The following MTHFD1 variants were observed in gnomAD, a reference collection of about 807,000 sequenced individuals.
MTHFD1 encodes C-1-tetrahydrofolate synthase, cytoplasmic.
In MTHFD1, 44 loss-of-function variants were observed where a neutral mutation model predicts 110.3. That is an observed-to-expected ratio of 0.40 (90% CI 0.31 to 0.51). MTHFD1 has a LOEUF of 0.51. Ranked by LOEUF, MTHFD1 falls within the 20% of genes least tolerant of loss-of-function variation. The probability of loss-of-function intolerance (pLI) is 0.60; values close to 1 mark genes in which losing one functional copy is unlikely to be tolerated. For missense variants in MTHFD1, 909 were observed against 1,173.1 expected (o/e 0.77, Z 3.29); for synonymous variants, 402 against 428.8 (o/e 0.94, Z 0.77).
At chr14:64,425,889 C>T (rs911452600) in intron 10 of MTHFD1, 62 bp downstream of exon 10, 1 of 1,578,556 alleles carries the variant, frequency 6.3e-7, no homozygotes, top group African/African-American at 1.3e-5. Context: ...TTGACAGATA[C>T]TGTGGGTTCA....
At chr14:64,445,411 A>G (rs184527960) in intron 22 of MTHFD1, among the ~76,000 whole-genome samples, 25 of 152,272 alleles carry the variant, frequency 1.6e-4, no homozygotes, top group Admixed American at 4.6e-4. Context: ...TGTGAGCTCA[A>G]ATCTTTTCAT....
In MTHFD1 at chr14:64,417,511, C is replaced by T. The variant is rs568797115; in HGVS notation, c.479-377C>T. Among the ~76,000 whole-genome samples the T allele has an allele frequency of 6.6e-6, 1 of 152,228 alleles. No homozygotes were observed. The highest frequency in any genetic ancestry group is 1.5e-5 in the Non-Finnish European group (1 of 68,052). On this transcript the variant is annotated intron_variant, in intron 6 of 27. Coordinates refer to ENST00000652337, the MANE Select transcript of MTHFD1 (RefSeq NM_005956.4). This position sits in a 1 kb window ranked among gnomAD's most constrained non-coding sequence, Gnocchi z 4.4. ...ACACATCTCTCCAGCCTGTTACATA[C>T]ACCCTATTTGTTTTAACTTTTTTTC...
intron 1 of MTHFD1, among the ~76,000 whole-genome samples, chr14:64,398,610 C>G (rs1212744066): frequency 6.6e-6 from 1 of 152,164 alleles, no homozygotes; most frequent in Non-Finnish European, 1.5e-5. Flanking sequence ...GGTATGACTT[C>G]TTTCTTGTAC....
intron 18 of MTHFD1, 109 bp from the exon 19 acceptor site, chr14:64,441,276 A>T (rs11629354): frequency 1.0e-6 from 1 of 995,298 alleles, no homozygotes; most frequent in Middle Eastern, 2.0e-4. Context: ...GAAAGTATCA[A>T]TTGGTCCAAG....
chr14:64,434,551 A>G (rs368116716), intron 15 of MTHFD1, among the ~76,000 whole-genome samples: 1 of 152,212 alleles, frequency 6.6e-6, no homozygotes, highest in South Asian at 2.1e-4. Context: ...ATGAGACCTC[A>G]TCTCAAAAAA....
intron 1 of MTHFD1, among the ~76,000 whole-genome samples, chr14:64,397,374 C>T (rs1030000043): frequency 1.2e-4 from 18 of 150,476 alleles, no homozygotes; most frequent in African/African-American, 4.4e-4. Flanking sequence ...CTCACTGCAA[C>T]CTCTGCCTCC....
intron 1 of MTHFD1, among the ~76,000 whole-genome samples, chr14:64,398,834 A>G (rs1427274391): frequency 2.0e-5 from 3 of 152,232 alleles, no homozygotes; most frequent in Non-Finnish European, 4.4e-5. Flanking sequence ...TGTATCATAT[A>G]TCATAACTGG....
chr14:64,417,284 G>A lies in MTHFD1; in HGVS notation c.479-604G>A, dbSNP rs2078031979. Among the ~76,000 whole-genome samples the A allele has an allele frequency of 6.6e-6, 1 of 152,190 alleles. No homozygotes were observed. The highest frequency in any genetic ancestry group is 1.5e-5 in the Non-Finnish European group (1 of 68,042). On this transcript the variant is annotated intron_variant, in intron 6 of 27. Transcript: ENST00000652337. This position sits in a 1 kb window ranked among gnomAD's most constrained non-coding sequence, Gnocchi z 4.4. ...GTAGAGTATGAGTCAGCCCTGAAAA[G>A]GACATTGGTATATTGCCAGAAAAAT...
Position 64,440,167 on chromosome 14 carries a change from C to G in MTHFD1, c.1716C>G (p.Val572=). The change falls in exon 18 of 28, where the codon GTC becomes GTG. Residue 572 remains valine, a synonymous_variant. Transcript: ENST00000652337. ...CTGTGGCCAGTGAAATTATGGCTGT[C>G]CTGGCTCTCACCACTTCTCTAGAAG... ...DISVASEIMA[V]LALTTSLEDM... The G allele has an allele frequency of 6.2e-7, 1 of 1,614,056 alleles. No homozygotes were observed. The highest frequency in any genetic ancestry group is 8.5e-7 in the Non-Finnish European group (1 of 1,180,016).
In MTHFD1 at chr14:64,419,047, G is replaced by C. The variant is rs1231636126; in HGVS notation, c.616-767G>C. Among the ~76,000 whole-genome samples, 15 of 152,224 alleles carry C rather than the reference G, an allele frequency of 9.9e-5. No individual in the cohort carries two copies. In the South Asian group the frequency reaches 1.7e-3, roughly 17 times the overall value. On this transcript the variant is annotated intron_variant, in intron 7 of 27. Coordinates refer to ENST00000652337, the MANE Select transcript of MTHFD1 (RefSeq NM_005956.4). ...AATTTTTAAGCTTTTTGTAGCGACA[G>C]GGGTCTCACTGTGTTGCCCAGGCTG...
At chr14:64,447,812 GTAGAGT>G (rs1422948892) in intron 22 of MTHFD1, among the ~76,000 whole-genome samples, 1 of 152,146 alleles carries the variant, frequency 6.6e-6, no homozygotes. Context: ...GCTGTGCAGA[GTAGAGT>G]TAATTTGTAT....
chr14:64,449,606 T>A lies in MTHFD1; in HGVS notation c.2441T>A (p.Leu814His). 1 of 1,614,086 alleles carries A rather than the reference T, an allele frequency of 6.2e-7. No homozygotes were observed. Among genetic ancestry groups the A allele is most frequent in the South Asian group, 1.1e-5 (1 of 91,076 alleles). Residue 814 changes from leucine to histidine, a missense_variant, in exon 24 of 28, where the codon CTC becomes CAC. By Grantham distance (99) the Leu-to-His change is moderately conservative. Around this residue, in one of 3 missense-constraint regions of MTHFD1, gnomAD observed 482 missense variants for 646.0 expected, o/e 0.75. Coordinates refer to ENST00000652337, the MANE Select transcript of MTHFD1 (RefSeq NM_005956.4). ...GCACAAGCACCCAGCAGCTTCCAGCTCCTTTATGACCTCAAGGTGGGTGAT... is the reference window on the plus strand; with the variant it reads ...GCACAAGCACCCAGCAGCTTCCAGCACCTTTATGACCTCAAGGTGGGTGAT... Reference protein sequence around the residue: ...RAAQAPSSFQLLYDLKLPVED... With the variant: ...RAAQAPSSFQHLYDLKLPVED...
intron 1 of MTHFD1, chr14:64,390,352 C>G (rs1424138792): frequency 9.2e-6 from 1 of 108,964 alleles, no homozygotes; most frequent in African/African-American, 5.6e-5. Flanking sequence ...GCCTTGAGAT[C>G]TATTTTTTTT....
At chr14:64,415,528 A>G in intron 5 of MTHFD1, 34 bp downstream of exon 5, 1 of 1,613,974 alleles carries the variant, frequency 6.2e-7, no homozygotes, top group Admixed American at 1.7e-5. Flanking sequence ...GTCTCATTGC[A>G]TGCTTTCATT....
chr14:64,416,774 T>C (rs1442763306), intron 6 of MTHFD1, among the ~76,000 whole-genome samples: 2 of 152,098 alleles, frequency 1.3e-5, no homozygotes, highest in African/African-American at 4.8e-5. Flanking sequence ...GTGCCTTGCT[T>C]AAAAGAAAAA....
At chr14:64,440,394 C>T (rs2078238502) in intron 18 of MTHFD1, 128 bp downstream of exon 18, 3 of 1,153,850 alleles carry the variant, frequency 2.6e-6, no homozygotes, top group Non-Finnish European at 3.8e-6. Context: ...CAATTTAATC[C>T]TATTTTGCTA....
chr14:64,438,145 T>A (rs1055856144), intron 16 of MTHFD1, among the ~76,000 whole-genome samples: 9 of 152,088 alleles, frequency 5.9e-5, no homozygotes, highest in Non-Finnish European at 1.2e-4. Flanking sequence ...AGTGCTGGGA[T>A]TTACAGGCGT....
chr14:64,435,786 C>T, intron 16 of MTHFD1, 115 bp downstream of exon 16: 1 of 735,184 alleles, frequency 1.4e-6, no homozygotes, highest in South Asian at 1.4e-5. Context: ...ATTTTACCAG[C>T]TAAGGCATGA....
rs1437397220 is a variant in MTHFD1, at chr14:64,427,429, C to A, written c.1220C>A (p.Ala407Glu). Reference sequence around the variant, plus strand: ...GCCCATCTCTACCAGAATGTCTTTGCGTGTGTGCGACAGCCTTCTCAGGGC... The same window carrying A: ...GCCCATCTCTACCAGAATGTCTTTGAGTGTGTGCGACAGCCTTCTCAGGGC... ...LGAHLYQNVF[A>E]CVRQPSQGPT... is the part of the protein sequence containing the mutation. Residue 407 changes from alanine (A) to glutamate (E), a missense_variant, in exon 12 of 28, where the codon GCG becomes GAG. Ala to Glu is a moderately radical substitution (Grantham distance 107). Around this residue, in one of 3 missense-constraint regions of MTHFD1, gnomAD observed 424 missense variants for 510.4 expected, o/e 0.83. Transcript: ENST00000652337. The A allele has an allele frequency of 1.2e-6, 2 of 1,614,146 alleles. No individual in the cohort carries two copies. The highest frequency in any genetic ancestry group is 1.7e-6 in the Non-Finnish European group (2 of 1,179,984).
Sources: gnomAD v4.1 joint callset for allele counts (sites outside exome capture counted in the v4.1 genomes callset) on GRCh38, gnomAD v4.1.1 for gene constraint, gnomAD v4.1.1 regional missense constraint, Gnocchi (gnomAD v3.1) non-coding constraint, MANE v1.5 for transcripts, NCBI Gene and HGNC (gene_info 2026-07-23, HGNC 2026-07-21) for gene names.